The following RAB3IL1 variants were observed in gnomAD, a reference collection of about 807,000 sequenced individuals.
RAB3IL1 encodes the protein guanine nucleotide exchange factor for Rab-3A.
RAB3IL1 carries 37 observed loss-of-function variants against 49.2 expected under a neutral mutation model. The observed-to-expected ratio is 0.75, with a 90% CI of 0.58 to 0.99. The LOEUF (loss-of-function observed/expected upper bound fraction) is 0.99. Ranked by LOEUF, RAB3IL1 falls within the 50% of genes least tolerant of loss-of-function variation. The probability of loss-of-function intolerance (pLI) is 0.00; values close to 1 mark genes in which losing one functional copy is unlikely to be tolerated. For missense variants in RAB3IL1, 484 were observed against 513.0 expected, an observed-to-expected ratio of 0.94 and a Z score of 0.55; for synonymous variants, 193 against 213.9, an observed-to-expected ratio of 0.90 and a Z score of 0.85.
chr11:61,935,344 C>G, the RAB3IL1 span, among the ~76,000 whole-genome samples: 1 of 150,074 alleles, frequency 6.7e-6, no homozygotes, highest in Non-Finnish European at 1.5e-5. Context: ...CGCTTGAACC[C>G]GTGTGGCAGA....
At chr11:61,921,237 AG>A (rs1939899050), upstream of RAB3IL1, among the ~76,000 whole-genome samples, 2 of 152,102 alleles carry the variant, frequency 1.3e-5, no homozygotes, top group South Asian at 4.1e-4. Flanking sequence ...ACCACCGCCC[AG>A]GAACAACTCA....
chr11:61,902,683 C>A (rs763818912), intron 7 of RAB3IL1, 142 bp from the exon 8 acceptor site: 1 of 753,120 alleles, frequency 1.3e-6, no homozygotes, highest in Non-Finnish European at 2.2e-6. Context: ...TCCAAAGGAA[C>A]CCAGAGCCAG....
upstream of RAB3IL1, among the ~76,000 whole-genome samples, chr11:61,920,451 C>CTATA (rs1026220807): frequency 6.6e-6 from 1 of 151,980 alleles, no homozygotes; most frequent in Non-Finnish European, 1.5e-5. Flanking sequence ...TGAGACACCT[C>CTATA]TAGGGGAGGC....
At chr11:61,920,334 C>T, upstream of RAB3IL1, 1 of 1,091,930 alleles carries the variant, frequency 9.2e-7, no homozygotes, top group Non-Finnish European at 1.2e-6. Flanking sequence ...GGCACCACCT[C>T]CCAGGACAGC....
upstream of RAB3IL1, chr11:61,920,230 C>T (rs2134374001): frequency 8.0e-7 from 1 of 1,243,498 alleles, no homozygotes; most frequent in Middle Eastern, 2.5e-4. Context: ...CTGGAGGGTG[C>T]CGGGAAGGGA....
At chr11:61,936,839 T>C in the RAB3IL1 span, among the ~76,000 whole-genome samples, 2 of 152,148 alleles carry the variant, frequency 1.3e-5, no homozygotes, top group Non-Finnish European at 2.9e-5. Context: ...AAGATTTCTA[T>C]ATCTGGCAAA....
chr11:61,928,891 C>A, the RAB3IL1 span, among the ~76,000 whole-genome samples: 1 of 152,170 alleles, frequency 6.6e-6, no homozygotes, highest in Non-Finnish European at 1.5e-5. Flanking sequence ...CAACACACAA[C>A]AGATTTAGAT....
In RAB3IL1 at chr11:61,912,485, C is replaced by T. The variant is rs532472322; in HGVS notation, c.12-4179G>A. On this transcript the variant is annotated intron_variant, in intron 1 of 9. Coordinates refer to ENST00000394836, the MANE Select transcript of RAB3IL1 (RefSeq NM_013401.4). ...CAAACCCACAAGCATGTCAGGTTCC[C>T]AAGCGCTAGGCCACATCCACGCCAG... Among the ~76,000 whole-genome samples, 46 of 152,352 alleles carry T rather than the reference C, an allele frequency of 3.0e-4. 1 individual carries two copies. In the South Asian group the frequency reaches 8.9e-3, roughly 30 times the overall value.
chr11:61,910,250 G>C (rs763408403), intron 1 of RAB3IL1, among the ~76,000 whole-genome samples: 1 of 152,190 alleles, frequency 6.6e-6, no homozygotes, highest in Non-Finnish European at 1.5e-5. Flanking sequence ...CGGCGCATCT[G>C]CTTCAAGATA....
chr11:61,897,541 T>A lies in RAB3IL1; in HGVS notation c.*737A>T, dbSNP rs1163929543. 6.6e-6 allele frequency: 1 copy of A among 152,140 alleles called. No individual in the cohort carries two copies. Among genetic ancestry groups the A allele is most frequent in the African/African-American group, 2.4e-5 (1 of 41,342 alleles). The allele number at this position is 152,140 out of a possible 1,614,324, so 9.4% of individuals were successfully genotyped here. A position where few individuals can be genotyped will look rare whatever the true frequency, so the allele number is the denominator to read the frequency against. On this transcript the variant is annotated 3_prime_UTR_variant, in exon 10 of 10. Transcript: ENST00000394836. ...TGGGTGATCTGAAGCCCTGTCTGTG[T>A]TCTACTGTGGCAGAAAGTGCCCCAG...
chr11:61,919,916 C>T, upstream of RAB3IL1: 1 of 597,040 alleles, frequency 1.7e-6, no homozygotes. Context: ...CTCTGTACAG[C>T]CACCAAATTG....
chr11:61,912,309 G>A (rs773829344), intron 1 of RAB3IL1, among the ~76,000 whole-genome samples: 1 of 152,196 alleles, frequency 6.6e-6, no homozygotes, highest in Non-Finnish European at 1.5e-5. Context: ...CAGCCTTTGC[G>A]GTGACACTGA....
At chr11:61,912,922 G>A (rs1008805878) in intron 1 of RAB3IL1, among the ~76,000 whole-genome samples, 2 of 152,036 alleles carry the variant, frequency 1.3e-5, no homozygotes, top group African/African-American at 4.8e-5. Flanking sequence ...TGGGGGGGCA[G>A]GAAAAAGCAA....
In RAB3IL1 at chr11:61,908,135, C is replaced by T; in HGVS notation, c.183G>A (p.Val61=). The change falls in exon 2 of 10, where the codon GTG becomes GTA. Residue 61 remains valine (V), a synonymous_variant. Transcript: ENST00000394836. ...QEGPAAAQLD[V]LRLRSSSMEI... is the part of the protein sequence containing the mutation. ...CCATGGAAGAGCTGCGCAGGCGCAA[C>T]ACGTCCAGCTGGGCGGCTGCGGGGC... 1 of 1,599,908 alleles carries T rather than the reference C, an allele frequency of 6.3e-7. No homozygotes were observed. Among genetic ancestry groups the T allele is most frequent in the South Asian group, 1.1e-5 (1 of 89,254 alleles).
At chr11:61,925,850 A>T in the RAB3IL1 span, among the ~76,000 whole-genome samples, 1 of 152,144 alleles carries the variant, frequency 6.6e-6, no homozygotes, top group Admixed American at 6.5e-5. Context: ...CGAGTTAAAG[A>T]ATTTGGACTT....
Position 61,908,189 on chromosome 11 carries a change from A to G in RAB3IL1, c.129T>C (p.Ser43=), listed in dbSNP as rs1458487014. 6.4e-7 allele frequency: 1 copy of G among 1,551,416 alleles called. No homozygotes were observed. Among genetic ancestry groups the G allele is most frequent in the African/African-American group, 1.4e-5 (1 of 73,416 alleles). ...RESPGALVET[S]AGEEAQGQEG... ...CCTGGCCTTGGGCCTCCTCCCCTGC[A>G]GAGGTCTCCACCAGGGCTCCTGGGG... Residue 43 remains serine, a synonymous_variant, in exon 2 of 10, where the codon TCT becomes TCC. Coordinates refer to ENST00000394836, the MANE Select transcript of RAB3IL1 (RefSeq NM_013401.4).
intron 1 of RAB3IL1, among the ~76,000 whole-genome samples, chr11:61,915,407 T>C (rs1421529076): frequency 1.3e-5 from 2 of 152,296 alleles, no homozygotes; most frequent in East Asian, 3.9e-4. Flanking sequence ...GGCCTTGGCC[T>C]GGGTGCCTCC....
the RAB3IL1 span, among the ~76,000 whole-genome samples, chr11:61,931,216 C>A: frequency 1.3e-5 from 2 of 152,172 alleles, no homozygotes; most frequent in African/African-American, 4.8e-5. Context: ...GATTTATTCT[C>A]TGGAGAAGGC....
In RAB3IL1 at chr11:61,898,341, C is replaced by A; in HGVS notation, c.1086G>T (p.Glu362Asp). The change falls in exon 10 of 10, where the codon GAG (glutamate) becomes GAT (aspartate). Residue 362 changes from glutamate (E) to aspartate (D), a missense_variant. Glu to Asp is a conservative substitution (Grantham distance 45). Coordinates refer to ENST00000394836, the MANE Select transcript of RAB3IL1 (RefSeq NM_013401.4). The surrounding 1 kb of genome is among the most constrained non-coding windows in gnomAD (Gnocchi z 5.1). Reference sequence around the variant, plus strand: ...ACATCTCCTTCCGCAACCTCATGATCTCCCAGAACATGGGCTCTGCTGCAG... The same window carrying A: ...ACATCTCCTTCCGCAACCTCATGATATCCCAGAACATGGGCTCTGCTGCAG... ...VRQDAEPMFW[E>D]IMRLRKEMSL... The A allele has an allele frequency of 6.2e-7, 1 of 1,613,584 alleles. No homozygotes were observed. The highest frequency in any genetic ancestry group is 8.5e-7 in the Non-Finnish European group (1 of 1,179,982).
Sources: allele counts gnomAD v4.1 joint callset (sites outside exome capture counted in the v4.1 genomes callset), GRCh38; gene constraint gnomAD v4.1.1; non-coding constraint Gnocchi (gnomAD v3.1); transcripts MANE v1.5; gene names NCBI Gene and HGNC (gene_info 2026-07-23, HGNC 2026-07-21).